DRICH1: variants seen among roughly 807,000 people sequenced by gnomAD.
DRICH1 encodes the protein aspartate rich 1, also known as aspartate-rich protein 1.
DRICH1 carries 38 observed loss-of-function variants against 39.5 expected under a neutral mutation model. The observed-to-expected ratio is 0.96, with a 90% CI of 0.74 to 1.26. The LOEUF (loss-of-function observed/expected upper bound fraction) is 1.26, where lower values mean the gene tolerates loss of function less well. Ranked by LOEUF, DRICH1 falls within the 50% of genes most tolerant of loss-of-function variation. The probability of loss-of-function intolerance (pLI) is 0.00; values close to 1 mark genes in which losing one functional copy is unlikely to be tolerated. For synonymous variants in DRICH1, 84 were observed against 99.5 expected (o/e 0.84, Z 0.93); for missense variants, 279 against 270.4 (o/e 1.03, Z -0.22).
At chr22:23,599,897 C>T in the DRICH1 span, among the ~76,000 whole-genome samples, 10 of 152,198 alleles carry the variant, frequency 6.6e-5, no homozygotes, top group African/African-American at 9.7e-5. Flanking sequence ...CCTTCTCCCA[C>T]GGTGCATGAT....
the DRICH1 span, among the ~76,000 whole-genome samples, chr22:23,595,900 G>C: frequency 6.6e-6 from 1 of 152,174 alleles, no homozygotes; most frequent in South Asian, 2.1e-4. Context: ...GACTCTCCAT[G>C]GGGGACGTTC....
intron 8 of DRICH1, among the ~76,000 whole-genome samples, chr22:23,616,557 C>T (rs1319602643): frequency 6.6e-6 from 1 of 152,174 alleles, no homozygotes; most frequent in Admixed American, 6.5e-5. Context: ...CATACTCTTC[C>T]CTGCTGAGAT....
chr22:23,632,236 G>T lies in DRICH1; in HGVS notation c.-213C>A, dbSNP rs149192169. On this transcript the variant is annotated 5_prime_UTR_variant, in exon 1 of 12. Transcript: ENST00000317749. ...CTGCTGTCTTCTTTGAAAAATAAAC[G>T]AACATGACAAGCACCCAAAGGTGCA... 3.1e-3 allele frequency: 2,390 copies of T among 770,538 alleles called. 50 individuals are homozygous for T. The African/African-American group carries it at 0.036, about 12-fold the overall frequency. The allele number at this position is 770,538 out of a possible 1,614,324, so 47.7% of individuals were successfully genotyped here.
At chr22:23,628,454 C>G (rs906905690) in intron 1 of DRICH1, among the ~76,000 whole-genome samples, 3 of 150,558 alleles carry the variant, frequency 2.0e-5, no homozygotes, top group Non-Finnish European at 4.4e-5. Context: ...GTAATTCCAG[C>G]TACTCAGCAG....
chr22:23,582,868 A>T, the DRICH1 span, among the ~76,000 whole-genome samples: 1 of 152,078 alleles, frequency 6.6e-6, no homozygotes, highest in Non-Finnish European at 1.5e-5. Context: ...GCCAATTATC[A>T]TATTATTATT....
the DRICH1 span, among the ~76,000 whole-genome samples, chr22:23,589,986 C>T: frequency 9.2e-5 from 14 of 152,278 alleles, no homozygotes; most frequent in South Asian, 6.2e-4. Flanking sequence ...TAGTTTGGCT[C>T]GATCCCCGGA....
chr22:23,586,092 G>A, the DRICH1 span, among the ~76,000 whole-genome samples: 1 of 152,198 alleles, frequency 6.6e-6, no homozygotes, highest in Non-Finnish European at 1.5e-5. Flanking sequence ...TTTGTCTGCT[G>A]AGAAGGAATC....
chr22:23,620,159 A>C (rs183931381), intron 5 of DRICH1, among the ~76,000 whole-genome samples: 81 of 152,280 alleles, frequency 5.3e-4, no homozygotes, highest in African/African-American at 1.8e-3. Flanking sequence ...AACTCGGCTT[A>C]TATTTACTTT....
intron 5 of DRICH1, among the ~76,000 whole-genome samples, chr22:23,620,359 G>A (rs773245245): frequency 3.3e-5 from 5 of 151,934 alleles, no homozygotes; most frequent in Admixed American, 6.6e-5. Flanking sequence ...GTCAGTGAGC[G>A]GTGCACTCAC....
At chr22:23,589,302 T>C in the DRICH1 span, among the ~76,000 whole-genome samples, 1 of 151,832 alleles carries the variant, frequency 6.6e-6, no homozygotes, top group African/African-American at 2.4e-5. Context: ...AATACAAAAA[T>C]TAACCACACG....
chr22:23,615,438 G>A (rs1056980395), intron 8 of DRICH1, among the ~76,000 whole-genome samples: 2 of 152,144 alleles, frequency 1.3e-5, no homozygotes, highest in Non-Finnish European at 2.9e-5. Flanking sequence ...ATTGGTATAA[G>A]AAACCAAAAA....
intron 6 of DRICH1, among the ~76,000 whole-genome samples, 197 bp from the exon 7 acceptor site, chr22:23,617,854 C>G (rs931905308): frequency 3.3e-5 from 5 of 152,130 alleles, no homozygotes; most frequent in African/African-American, 1.2e-4. Context: ...CATCACGCAG[C>G]AACACAAAAC....
the DRICH1 span, among the ~76,000 whole-genome samples, chr22:23,587,774 C>T: frequency 6.6e-6 from 1 of 152,210 alleles, no homozygotes; most frequent in Non-Finnish European, 1.5e-5. Context: ...GTGACAAAGA[C>T]TCTCTCCTTG....
At chr22:23,630,600 G>C (rs890671973) in intron 1 of DRICH1, 1 of 152,190 alleles carries the variant, frequency 6.6e-6, no homozygotes, top group Non-Finnish European at 1.5e-5. Flanking sequence ...CAAGAAAACT[G>C]ACACTTGCAC....
intron 5 of DRICH1, among the ~76,000 whole-genome samples, chr22:23,620,330 A>G (rs553534006): frequency 6.6e-6 from 1 of 152,114 alleles, no homozygotes; most frequent in African/African-American, 2.4e-5. Context: ...ACTCTTTATA[A>G]CCACCAACAT....
chr22:23,613,978 G>A (rs1181646949), intron 9 of DRICH1, among the ~76,000 whole-genome samples, 157 bp downstream of exon 9: 2 of 152,302 alleles, frequency 1.3e-5, no homozygotes, highest in South Asian at 4.1e-4. Context: ...CCACATATAA[G>A]TTGGGAAGAC....
At chr22:23,614,317 G>C (rs1927224087) in intron 8 of DRICH1, 103 bp from the exon 9 acceptor site, 3 of 798,964 alleles carry the variant, frequency 3.8e-6, no homozygotes, top group South Asian at 1.5e-5. Flanking sequence ...TGATTAACAA[G>C]CATGGACTGA....
chr22:23,590,215 G>T, the DRICH1 span, among the ~76,000 whole-genome samples: 3 of 151,948 alleles, frequency 2.0e-5, no homozygotes, highest in African/African-American at 4.8e-5. Flanking sequence ...TTGCATTTTA[G>T]TGATTGATTT....
chr22:23,599,735 C>G, the DRICH1 span, among the ~76,000 whole-genome samples: 1 of 152,198 alleles, frequency 6.6e-6, no homozygotes, highest in African/African-American at 2.4e-5. Context: ...CCAGGCCTGT[C>G]TGAGGTTGCC....
Sources: allele counts gnomAD v4.1 joint callset (sites outside exome capture counted in the v4.1 genomes callset), GRCh38; gene constraint gnomAD v4.1.1; transcripts MANE v1.5; gene names NCBI Gene and HGNC (gene_info 2026-07-23, HGNC 2026-07-21).